Variants in SMARCA1 observed in about 807,000 individuals in gnomAD.
SMARCA1 encodes the protein SWI/SNF-related matrix-associated actin-dependent regulator of chromatin subfamily A member 1.
A neutral mutation model predicts 93.6 loss-of-function variants in SMARCA1; 17 were observed. The observed-to-expected ratio is 0.18, with a 90% confidence interval of 0.12 to 0.27. SMARCA1 has a LOEUF of 0.27. SMARCA1 is among the 10% of genes least tolerant of loss of function. SMARCA1 has a pLI of 1.00. For missense variants in SMARCA1, 630 were observed against 819.0 expected, an observed-to-expected ratio of 0.77 and a Z score of 2.82; for synonymous variants, 271 against 271.4, an observed-to-expected ratio of 1.00 and a Z score of 0.01.
chrX:129,466,092 CTT>C (rs1327931525), intron 21 of SMARCA1, 130 bp from the exon 22 acceptor site: 10 of 305,623 alleles, frequency 3.3e-5, no homozygotes, highest in African/African-American at 2.8e-4. Context: ...TCAGATTAAT[CTT>C]ATATATATAA....
chrX:129,496,714 G>A (rs1377377569), intron 12 of SMARCA1, 36 bp downstream of exon 12: 1 of 1,184,381 alleles, frequency 8.4e-7, no homozygotes, highest in Admixed American at 2.3e-5. Context: ...ATTGAACTCT[G>A]ATTTCTGAAA....
rs1352948169 is a variant in SMARCA1, at chrX:129,490,451, A to C, written c.1816-259T>G. 3.6e-5 allele frequency among the ~76,000 whole-genome samples: 4 copies of C among 111,777 alleles called. No individual in the cohort carries two copies. In the Admixed American group the frequency reaches 3.8e-4, roughly 11 times the overall value. ...AAGATGAATAAAAGAGGGAGCTGAA[A>C]GTTTCTGGATTGAGTTACTAAGTAA... On this transcript the variant is annotated intron_variant, in intron 14 of 24. Transcript: ENST00000371121.
intron 8 of SMARCA1, among the ~76,000 whole-genome samples, chrX:129,505,843 G>A (rs1207591046): frequency 9.0e-6 from 1 of 111,474 alleles, no homozygotes; most frequent in African/African-American, 3.3e-5. Flanking sequence ...AGTTTTAGGA[G>A]TAATGTGATA....
intron 24 of SMARCA1, among the ~76,000 whole-genome samples, chrX:129,447,574 A>C (rs1932068198): frequency 9.0e-6 from 1 of 111,707 alleles, no homozygotes. Flanking sequence ...ATTTTTTAAA[A>C]AACTTATGAT....
chrX:129,452,040 G>A (rs902326878), intron 23 of SMARCA1, among the ~76,000 whole-genome samples: 3 of 111,534 alleles, frequency 2.7e-5, no homozygotes, highest in Admixed American at 9.5e-5. Context: ...ACTGCCTAAC[G>A]CAACATAAGT....
chrX:129,493,713 C>T (rs780105666), intron 12 of SMARCA1, among the ~76,000 whole-genome samples: 2 of 111,842 alleles, frequency 1.8e-5, no homozygotes, highest in South Asian at 7.5e-4. Flanking sequence ...AATACTTTAC[C>T]GCGCTGCTGG....
intron 17 of SMARCA1, among the ~76,000 whole-genome samples, chrX:129,481,619 A>G (rs1933666063): frequency 8.9e-6 from 1 of 111,800 alleles, no homozygotes; most frequent in South Asian, 3.8e-4. Flanking sequence ...ATGCAAATCA[A>G]AACCACAATG....
At chrX:129,494,938 T>C (rs781551097) in intron 12 of SMARCA1, among the ~76,000 whole-genome samples, 27 of 112,590 alleles carry the variant, frequency 2.4e-4, no homozygotes, top group African/African-American at 8.7e-4. Context: ...TCAAGTAACA[T>C]CATTTCATTA....
At chrX:129,484,069 T>A (rs972704050) in intron 17 of SMARCA1, among the ~76,000 whole-genome samples, 2 of 112,016 alleles carry the variant, frequency 1.8e-5, no homozygotes, top group South Asian at 7.4e-4. Context: ...ATACAAGTCA[T>A]CATGGTTATT....
At chrX:129,455,147 C>T (rs1385234854) in intron 23 of SMARCA1, among the ~76,000 whole-genome samples, 1 of 111,729 alleles carries the variant, frequency 9.0e-6, no homozygotes, top group Admixed American at 9.5e-5. Flanking sequence ...TCTAAAGACA[C>T]ATGCACATGT....
chrX:129,488,949 T>C lies in SMARCA1; in HGVS notation c.2085A>G (p.Arg695=). The C allele has an allele frequency of 1.7e-6, 2 of 1,183,004 alleles. No individual in the cohort carries two copies. The highest frequency in any genetic ancestry group is 2.3e-6 in the Non-Finnish European group (2 of 874,913). The change falls in exon 16 of 25, where the codon AGA becomes AGG. Residue 695 remains arginine, a synonymous_variant. Coordinates refer to ENST00000371121, the MANE Select transcript of SMARCA1 (RefSeq NM_001282874.2). The stretch of plus-strand genomic sequence containing the variant: ...TATTTTAACTAACCTTCTTTTCCCC[T>C]CTTTCCAGAATAGTTGTAATGTCTT... ...TDEDITTILE[R]GEKKTAEMNE...
intron 11 of SMARCA1, 128 bp from the exon 12 acceptor site, chrX:129,496,999 GCACACACACA>G (rs56171349): frequency 4.7e-6 from 2 of 421,064 alleles, no homozygotes; most frequent in East Asian, 8.4e-5. Context: ...ACACACACGT[GCACACACACA>G]CACACACACA....
chrX:129,501,911 C>A (rs1179709225), intron 9 of SMARCA1, among the ~76,000 whole-genome samples: 1 of 112,094 alleles, frequency 8.9e-6, no homozygotes, highest in African/African-American at 3.2e-5. Flanking sequence ...CCCTGCCCGG[C>A]CAAACATTTT....
chrX:129,500,401 C>T (rs148206962), intron 9 of SMARCA1, among the ~76,000 whole-genome samples: 2,020 of 112,298 alleles, frequency 0.018, 41 homozygotes, highest in African/African-American at 0.062. Context: ...CTCCTGACCC[C>T]GTGATCCACC....
intron 17 of SMARCA1, among the ~76,000 whole-genome samples, chrX:129,486,614 A>G (rs1198096113): frequency 9.0e-6 from 1 of 111,242 alleles, no homozygotes; most frequent in Non-Finnish European, 1.9e-5. Flanking sequence ...GAATCCCTCT[A>G]TGATGTAACT....
intron 23 of SMARCA1, among the ~76,000 whole-genome samples, chrX:129,451,700 A>ATTTTT (rs772285996): frequency 2.5e-5 from 2 of 81,445 alleles, no homozygotes; most frequent in Non-Finnish European, 4.7e-5. Flanking sequence ...TACCAGCTCC[A>ATTTTT]TTTTTTTTTT....
intron 16 of SMARCA1, 136 bp from the exon 17 acceptor site, chrX:129,487,273 C>T: frequency 2.5e-6 from 1 of 406,916 alleles, no homozygotes; most frequent in Non-Finnish European, 4.1e-6. Flanking sequence ...GAATGCAATG[C>T]TAACATCAAA....
At position 129,494,157 on chromosome X, in the gene SMARCA1, G is replaced by A. The variant is rs1320564701; in HGVS notation, c.1627-1082C>T. On this transcript the variant is annotated intron_variant, in intron 12 of 24. Transcript: ENST00000371121. ...AACCAGAACAATTTGGACATAAATA[G>A]GTAAACAGTAGACAGCTCAGTCAGA... Among the ~76,000 whole-genome samples, 4 of 111,830 alleles carry A rather than the reference G, an allele frequency of 3.6e-5. No homozygotes were observed. The East Asian group carries it at 8.5e-4, about 24-fold the overall frequency.
chrX:129,467,781 C>T (rs1387661351), intron 21 of SMARCA1, among the ~76,000 whole-genome samples: 1 of 110,917 alleles, frequency 9.0e-6, no homozygotes, highest in Non-Finnish European at 1.9e-5. Flanking sequence ...TTCTTTCCTA[C>T]TATTGCAAAA....
Sources: allele counts gnomAD v4.1 joint callset (sites outside exome capture counted in the v4.1 genomes callset), GRCh38; gene constraint gnomAD v4.1.1; transcripts MANE v1.5; gene names NCBI Gene and HGNC (gene_info 2026-07-23, HGNC 2026-07-21).